EPB41L3: variants seen among roughly 807,000 people sequenced by gnomAD.
EPB41L3 encodes the protein erythrocyte membrane protein band 4.1 like 3, also known as band 4.1-like protein 3.
In EPB41L3, 57 loss-of-function variants were observed where a neutral mutation model predicts 127.1. That is an observed-to-expected ratio of 0.45 (90% CI 0.36 to 0.56). The LOEUF is 0.56. Among genes scored for constraint, EPB41L3 ranks in the 20% least tolerant of loss-of-function variants. EPB41L3 has a pLI of 0.00. For synonymous variants in EPB41L3, 572 were observed against 549.5 expected (o/e 1.04, Z -0.57); for missense variants, 1,273 against 1,372.2 (o/e 0.93, Z 1.14).
intron 1 of EPB41L3, among the ~76,000 whole-genome samples, chr18:5,618,797 AAAT>A (rs2094827552): frequency 6.6e-6 from 1 of 152,180 alleles, no homozygotes; most frequent in Admixed American, 6.5e-5. Context: ...ACCATCAAAA[AAAT>A]AATGTGTTTA....
chr18:5,433,658 A>G, intron 7 of EPB41L3, 102 bp from the exon 8 acceptor site: 1 of 1,026,690 alleles, frequency 9.7e-7, no homozygotes, highest in Non-Finnish European at 1.4e-6. Flanking sequence ...AGTCCTATGG[A>G]GGCACCAGCA....
At chr18:5,468,966 A>C (rs149264480) in intron 3 of EPB41L3, among the ~76,000 whole-genome samples, 214 of 152,084 alleles carry the variant, frequency 1.4e-3, no homozygotes, top group African/African-American at 5.0e-3. Context: ...AAAAACAAAA[A>C]ACAAAAAGAG....
rs1036466932 is a variant in EPB41L3, at chr18:5,411,886, A to G, written c.2068-1267T>C. Among the ~76,000 whole-genome samples, 5 of 152,204 alleles carry G rather than the reference A, an allele frequency of 3.3e-5. 1 individual carries two copies. Among genetic ancestry groups the G allele is most frequent in the Admixed American group, 3.3e-4 (5 of 15,286 alleles). ...AAGGGAGGCTGAACACATGCTCAGC[A>G]CATGTACCTGAGGACACCATTCTGG... is the stretch of plus-strand genomic sequence containing the variant. On this transcript the variant is annotated intron_variant, in intron 13 of 22. Transcript: ENST00000341928.
At chr18:5,543,999 G>C (rs1202955261), upstream of EPB41L3, 4 of 985,544 alleles carry the variant, frequency 4.1e-6, no homozygotes, top group African/African-American at 7.0e-5. This position sits in a 1 kb window ranked among gnomAD's most constrained non-coding sequence, Gnocchi z 5.2. Flanking sequence ...AGGAGACTCG[G>C]GCGTGGGGAG....
intron 1 of EPB41L3, among the ~76,000 whole-genome samples, chr18:5,522,730 A>G (rs544918271): frequency 3.9e-5 from 6 of 152,278 alleles, no homozygotes; most frequent in African/African-American, 1.2e-4. Context: ...TGCTCTTGGA[A>G]GCCATTCTGG....
intron 8 of EPB41L3, 51 bp downstream of exon 8, chr18:5,433,415 ACAT>A: frequency 7.9e-7 from 1 of 1,259,610 alleles, no homozygotes. Flanking sequence ...AGTAATAACA[ACAT>A]CAAGTTACAT....
At position 5,396,289 on chromosome 18, in the gene EPB41L3, G is replaced by A; in HGVS notation, c.2885C>T (p.Ser962Leu). ...KTETISFGSV[S>L]PGGVKLEIST... ...AATTTCTAGCTTTACTCCTCCCGGT[G>A]AAACACTGCCAAAACTGATGGTTTC... The change falls in exon 19 of 23, where the codon TCA (serine) becomes TTA (leucine). Residue 962 changes from serine to leucine, a missense_variant. Coordinates refer to ENST00000341928, the MANE Select transcript of EPB41L3 (RefSeq NM_012307.5). The A allele has an allele frequency of 6.2e-7, 1 of 1,614,206 alleles. No individual in the cohort carries two copies. The highest frequency in any genetic ancestry group is 8.5e-7 in the Non-Finnish European group (1 of 1,180,028).
chr18:5,423,757 G>A (rs2077776385), intron 10 of EPB41L3, among the ~76,000 whole-genome samples: 1 of 152,128 alleles, frequency 6.6e-6, no homozygotes, highest in African/African-American at 2.4e-5. Context: ...ATGCAAATGA[G>A]GGTTGTACTG....
chr18:5,420,953 G>A (rs906553525), intron 11 of EPB41L3, among the ~76,000 whole-genome samples: 12 of 151,794 alleles, frequency 7.9e-5, no homozygotes, highest in South Asian at 2.1e-4. Flanking sequence ...TCTTTACACC[G>A]TTGAAAAAGC....
chr18:5,630,121 C>T (rs1183873834), upstream of EPB41L3, among the ~76,000 whole-genome samples: 2 of 152,170 alleles, frequency 1.3e-5, no homozygotes, highest in Non-Finnish European at 2.9e-5. Context: ...TCAGCTTAAA[C>T]CGGGCGCAAG....
intron 1 of EPB41L3, chr18:5,518,539 C>T (rs2092847719): frequency 6.6e-6 from 1 of 152,212 alleles, no homozygotes; most frequent in South Asian, 2.1e-4. Context: ...GCAATAGAAG[C>T]TCCAGAACAG....
chr18:5,395,054 T>TCA lies in EPB41L3; in HGVS notation c.3153+11_3153+12dup. The TCA allele has an allele frequency of 1.2e-6, 2 of 1,612,972 alleles. No individual in the cohort carries two copies. The highest frequency in any genetic ancestry group is 8.5e-7 in the Non-Finnish European group (1 of 1,178,882). ...TTTCTCTGCCAGGGTATTTACCGTC[T>TCA]CACACACACTACCTGGTCATGGTCA... On this transcript the variant is annotated intron_variant, in intron 21 of 22. Coordinates refer to ENST00000341928, the MANE Select transcript of EPB41L3 (RefSeq NM_012307.5).
intron 3 of EPB41L3, among the ~76,000 whole-genome samples, chr18:5,596,749 T>C (rs2094540390): frequency 6.6e-6 from 1 of 152,226 alleles, no homozygotes; most frequent in Admixed American, 6.5e-5. Flanking sequence ...AAAATGTTCT[T>C]TTAAAATAAA....
At chr18:5,599,399 A>C (rs754538028) in intron 3 of EPB41L3, among the ~76,000 whole-genome samples, 18 of 152,130 alleles carry the variant, frequency 1.2e-4, no homozygotes, top group Non-Finnish European at 2.5e-4. Flanking sequence ...TCATCAAGGT[A>C]GGGCATTTTC....
intron 3 of EPB41L3, among the ~76,000 whole-genome samples, chr18:5,557,142 T>G (rs1326247242): frequency 1.3e-5 from 2 of 152,136 alleles, no homozygotes; most frequent in Non-Finnish European, 2.9e-5. Flanking sequence ...CTAGAAATGC[T>G]GGGACGAAGC....
At chr18:5,607,833 TA>T (rs1175717549) in intron 3 of EPB41L3, among the ~76,000 whole-genome samples, 1 of 152,136 alleles carries the variant, frequency 6.6e-6, no homozygotes, top group African/African-American at 2.4e-5. Flanking sequence ...AACTGCCAGA[TA>T]AAAGACAAAT....
Position 5,498,608 on chromosome 18 carries a change from A to AAAG in EPB41L3, c.-11-9415_-11-9414insCTT, listed in dbSNP as rs2091430686. 2.1e-5 allele frequency among the ~76,000 whole-genome samples: 3 copies of AAAG among 144,596 alleles called. 1 individual carries two copies. The highest frequency in any genetic ancestry group is 3.0e-5 in the Non-Finnish European group (2 of 65,898). 94.9% of individuals were successfully genotyped at this position (144,596 alleles called of 152,430 possible). ...AGACTCCATCTCAAAAAAAAAAAAA[A>AAAG]AAAGAAAATGGACTTCAGAACTGAT... is the stretch of plus-strand genomic sequence containing the variant. On this transcript the variant is annotated intron_variant, in intron 1 of 22. Transcript: ENST00000341928.
intron 3 of EPB41L3, among the ~76,000 whole-genome samples, chr18:5,606,684 CCTT>C (rs929516239): frequency 1.8e-4 from 27 of 152,126 alleles, no homozygotes; most frequent in Non-Finnish European, 3.7e-4. Context: ...TCCTTGCCCT[CCTT>C]CTTATCTAGA....
chr18:5,414,536 C>G (rs556063793), intron 13 of EPB41L3, among the ~76,000 whole-genome samples: 1 of 152,254 alleles, frequency 6.6e-6, no homozygotes, highest in South Asian at 2.1e-4. Context: ...GACTTTCTAG[C>G]TGAGCACAGA....
Sources: allele counts gnomAD v4.1 joint callset (sites outside exome capture counted in the v4.1 genomes callset), GRCh38; gene constraint gnomAD v4.1.1; non-coding constraint Gnocchi (gnomAD v3.1); transcripts MANE v1.5; gene names NCBI Gene and HGNC (gene_info 2026-07-23, HGNC 2026-07-21).